PCDHA6: variants seen among roughly 807,000 people sequenced by gnomAD.
PCDHA6 encodes the protein protocadherin alpha-6.
PCDHA6 carries 55 observed loss-of-function variants against 60.3 expected under a neutral mutation model. That is an observed-to-expected ratio of 0.91 (90% confidence interval 0.73 to 1.14). The LOEUF (loss-of-function observed/expected upper bound fraction) is 1.14, where lower values mean the gene tolerates loss of function less well. PCDHA6 is among the 50% of genes most tolerant of loss of function. The pLI is 0.00. For missense variants in PCDHA6, 1,327 were observed against 1,256.5 expected, an observed-to-expected ratio of 1.06 and a Z score of -0.85; for synonymous variants, 652 against 557.9, an observed-to-expected ratio of 1.17 and a Z score of -2.38.
chr5:140,829,216 C>T lies in PCDHA6; in HGVS notation c.1125C>T (p.Asn375=), dbSNP rs2150164003. Residue 375 remains asparagine, a synonymous_variant, in exon 1 of 4, where the codon AAC becomes AAT. Coordinates refer to ENST00000529310, the MANE Select transcript of PCDHA6 (RefSeq NM_018909.4). ...CTGTCATCGCCCTAATTAGCGTGAA[C>T]GACCTCGATTCAGGTGCCAACGGGC... ...FGTVIALISV[N]DLDSGANGQV... The T allele has an allele frequency of 1.2e-6, 2 of 1,614,120 alleles. No individual in the cohort carries two copies. Among genetic ancestry groups the T allele is most frequent in the African/African-American group, 2.7e-5 (2 of 74,948 alleles).
rs1231696084 is a variant in PCDHA6 at position 140,858,276 on chromosome 5, T to C, written c.2394+27791T>C. The C allele has an allele frequency of 3.1e-6, 5 of 1,594,740 alleles. No individual in the cohort carries two copies. The highest frequency in any genetic ancestry group is 4.3e-6 in the Non-Finnish European group (5 of 1,166,444). On this transcript the variant is annotated intron_variant, in intron 1 of 3. Coordinates refer to ENST00000529310, the MANE Select transcript of PCDHA6 (RefSeq NM_018909.4). ...CCCACGCTGGTGTGCTCTAGCGCGGTGGGGAGCTGGTCTTACTCGCAGCAG... is the reference window on the plus strand; with the variant it reads ...CCCACGCTGGTGTGCTCTAGCGCGGCGGGGAGCTGGTCTTACTCGCAGCAG...
rs2150169612 is a variant in PCDHA6 at position 140,829,534 on chromosome 5, C to G, written c.1443C>G (p.Asp481Glu). 279 of 1,613,194 alleles carry G rather than the reference C, an allele frequency of 1.7e-4. No homozygotes were observed. The highest frequency in any genetic ancestry group is 2.3e-4 in the Non-Finnish European group (267 of 1,179,876). The change falls in exon 1 of 4, where the codon GAC becomes GAG. Residue 481 changes from aspartate to glutamate, a missense_variant. Coordinates refer to ENST00000529310, the MANE Select transcript of PCDHA6 (RefSeq NM_018909.4). ...GCHIFTVSAR[D>E]ADAQENALVS... The stretch of plus-strand genomic sequence containing the variant: ...ACATCTTCACGGTGTCTGCGCGAGA[C>G]GCGGACGCGCAGGAGAACGCGCTGG...
chr5:140,980,856 G>GT (rs2096908809), intron 2 of PCDHA6, among the ~76,000 whole-genome samples: 1 of 151,886 alleles, frequency 6.6e-6, no homozygotes, highest in Admixed American at 6.6e-5. Context: ...AATCTTTTTC[G>GT]TATGTGTGCT....
intron 1 of PCDHA6, chr5:140,850,334 A>G (rs2041532425): frequency 6.3e-7 from 1 of 1,597,666 alleles, no homozygotes. Context: ...AGCTGCAGCC[A>G]GAAACGGCCA....
intron 3 of PCDHA6, among the ~76,000 whole-genome samples, chr5:140,998,786 A>G (rs1210415944): frequency 1.3e-5 from 2 of 152,026 alleles, no homozygotes; most frequent in African/African-American, 4.8e-5. Flanking sequence ...CTGGTCTGGA[A>G]CCCCTGACCT....
intron 1 of PCDHA6, chr5:140,858,541 C>T (rs1021379839): frequency 7.9e-6 from 11 of 1,395,984 alleles, no homozygotes; most frequent in Non-Finnish European, 1.1e-5. Context: ...TGTCTACATT[C>T]CATTTATGCT....
chr5:141,009,562 C>T, intron 3 of PCDHA6, 65 bp from the exon 4 acceptor site: 7 of 1,571,344 alleles, frequency 4.5e-6, no homozygotes, highest in Non-Finnish European at 6.0e-6. Flanking sequence ...CTGTACTCTA[C>T]CAGCAGTGTG....
chr5:140,853,968 T>C lies in PCDHA6; in HGVS notation c.2394+23483T>C. On this transcript the variant is annotated intron_variant, in intron 1 of 3. Transcript: ENST00000529310. ...AGGGTCCCTTCCTTGAGCCCAGCAG[T>C]TTGAGACCAATGTAGTGAGACTCAT... 9 of 656,022 alleles carry C rather than the reference T, an allele frequency of 1.4e-5. 1 individual carries two copies. The highest frequency in any genetic ancestry group is 1.7e-5 in the Non-Finnish European group (9 of 516,032). 40.6% of individuals were successfully genotyped at this position (656,022 alleles called of 1,614,324 possible).
At chr5:140,946,801 G>C (rs2094030166) in intron 1 of PCDHA6, among the ~76,000 whole-genome samples, 1 of 151,430 alleles carries the variant, frequency 6.6e-6, no homozygotes, top group African/African-American at 2.4e-5. Flanking sequence ...TAGAAGCAGA[G>C]AGTATAACAG....
chr5:140,877,303 T>G, intron 1 of PCDHA6: 1 of 1,613,850 alleles, frequency 6.2e-7, no homozygotes, highest in South Asian at 1.1e-5. Flanking sequence ...GTCCTACGAG[T>G]TGCAACCGGC....
At chr5:140,883,272 C>T in intron 1 of PCDHA6, 1 of 1,613,880 alleles carries the variant, frequency 6.2e-7, no homozygotes, top group Non-Finnish European at 8.5e-7. Context: ...GGTCATTGTA[C>T]CCTTTTGGTG....
At chr5:140,954,968 G>T (rs531304394) in intron 1 of PCDHA6, among the ~76,000 whole-genome samples, 4 of 152,200 alleles carry the variant, frequency 2.6e-5, no homozygotes, top group African/African-American at 9.6e-5. Context: ...TAAGGAAAGG[G>T]TCCAGTTTCA....
At chr5:141,008,126 G>A (rs2098361949) in intron 3 of PCDHA6, among the ~76,000 whole-genome samples, 1 of 152,178 alleles carries the variant, frequency 6.6e-6, no homozygotes, top group African/African-American at 2.4e-5. Context: ...TCAAGAAGGG[G>A]ATGACAAATG....
rs199902550 is a variant in PCDHA6 at position 140,965,368 on chromosome 5, A to C, written c.2395-13581A>C. On this transcript the variant is annotated intron_variant, in intron 1 of 3. Transcript: ENST00000529310. ...TTGCCTCTATAGCAGTACAAGAGGAAACTTGGGGACACAGAAGAACAGAAG... is the reference window on the plus strand; with the variant it reads ...TTGCCTCTATAGCAGTACAAGAGGACACTTGGGGACACAGAAGAACAGAAG... 8.5e-5 allele frequency among the ~76,000 whole-genome samples: 13 copies of C among 152,290 alleles called. No homozygotes were observed. The East Asian group carries it at 2.5e-3, about 29-fold the overall frequency.
chr5:140,886,076 A>C (rs1554182342), intron 1 of PCDHA6, among the ~76,000 whole-genome samples: 3 of 152,198 alleles, frequency 2.0e-5, no homozygotes, highest in African/African-American at 7.2e-5. Flanking sequence ...GGGCCATACC[A>C]CAACCTGGAT....
At chr5:140,850,803 A>T in intron 1 of PCDHA6, 1 of 1,598,380 alleles carries the variant, frequency 6.3e-7, no homozygotes, top group East Asian at 2.2e-5. Flanking sequence ...GACCGACCTC[A>T]TGGCCTTCAG....
rs1563376756 is a variant in PCDHA6, at chr5:140,968,306, C to G, written c.2395-10643C>G. 1.9e-6 allele frequency: 3 copies of G among 1,613,808 alleles called. No individual in the cohort carries two copies. The highest frequency in any genetic ancestry group is 2.5e-6 in the Non-Finnish European group (3 of 1,179,908). On this transcript the variant is annotated intron_variant, in intron 1 of 3. Transcript: ENST00000529310. ...CTACTCCCTTCTGGAGAGGGAGATT[C>G]AAGGGCTGCCAGTCACCTCCTATGT... is the stretch of plus-strand genomic sequence containing the variant.
chr5:141,011,122 A>G lies in PCDHA6; in HGVS notation c.*1185A>G, dbSNP rs1554263297. On this transcript the variant is annotated 3_prime_UTR_variant, in exon 4 of 4. Transcript: ENST00000529310. ...TCTCTCTCTTTTCTAAGAAACAATT[A>G]TGTGCACTTTGATACACAACCTTCT... 1 of 153,686 alleles carries G rather than the reference A, an allele frequency of 6.5e-6. No homozygotes were observed. Among genetic ancestry groups the G allele is most frequent in the Non-Finnish European group, 1.5e-5 (1 of 68,034 alleles). 9.5% of individuals were successfully genotyped at this position (153,686 alleles called of 1,614,324 possible).
intron 1 of PCDHA6, chr5:140,869,668 A>G (rs540975019): frequency 1.2e-6 from 2 of 1,613,544 alleles, no homozygotes; most frequent in African/African-American, 1.3e-5. Context: ...TGGTAAGCAG[A>G]TTAAAAGACT....
Sources: gnomAD v4.1 joint callset for allele counts (sites outside exome capture counted in the v4.1 genomes callset) on GRCh38, gnomAD v4.1.1 for gene constraint, MANE v1.5 for transcripts, NCBI Gene and HGNC (gene_info 2026-07-23, HGNC 2026-07-21) for gene names.